KCND2: variants seen among roughly 807,000 people sequenced by gnomAD.
KCND2 encodes the protein A-type voltage-gated potassium channel KCND2.
A neutral mutation model predicts 54.4 loss-of-function variants in KCND2; 16 were observed. That is an observed-to-expected ratio of 0.29 (90% CI 0.20 to 0.45). The LOEUF (loss-of-function observed/expected upper bound fraction) is 0.45. Ranked by LOEUF, KCND2 falls within the 20% of genes least tolerant of loss-of-function variation. The pLI, the probability that KCND2 is intolerant of heterozygous loss-of-function variation, is 1.00. For synonymous variants in KCND2, 317 were observed against 310.7 expected (o/e 1.02, Z -0.21); for missense variants, 486 against 824.2 (o/e 0.59, Z 5.02).
At chr7:120,607,864 A>G (rs983470784) in intron 1 of KCND2, among the ~76,000 whole-genome samples, 2 of 152,088 alleles carry the variant, frequency 1.3e-5, no homozygotes, top group East Asian at 3.9e-4. Context: ...GAAAAACAAC[A>G]TGGACATTAA....
intron 1 of KCND2, among the ~76,000 whole-genome samples, chr7:120,431,437 G>A (rs925601721): frequency 5.3e-5 from 8 of 152,182 alleles, no homozygotes; most frequent in Non-Finnish European, 1.0e-4. Context: ...AGGTAATTCA[G>A]TTAGATGAGG....
chr7:120,316,102 G>A (rs189776592), intron 1 of KCND2, among the ~76,000 whole-genome samples: 19 of 152,192 alleles, frequency 1.2e-4, no homozygotes, highest in Middle Eastern at 3.4e-3. Context: ...TTCATGGTTC[G>A]TAATAGATCA....
intron 1 of KCND2, among the ~76,000 whole-genome samples, chr7:120,371,510 A>C (rs1180000242): frequency 6.6e-6 from 1 of 151,976 alleles, no homozygotes; most frequent in Non-Finnish European, 1.5e-5. Context: ...GAGGCCATGG[A>C]GTTGAGTGGG....
At chr7:120,712,058 G>T (rs1402883296) in intron 1 of KCND2, among the ~76,000 whole-genome samples, 1 of 151,008 alleles carries the variant, frequency 6.6e-6, no homozygotes, top group Admixed American at 6.6e-5. Context: ...GAGCTGACTT[G>T]ATCGGTCCTA....
At chr7:120,685,273 G>T (rs1253177220) in intron 1 of KCND2, among the ~76,000 whole-genome samples, 2 of 152,124 alleles carry the variant, frequency 1.3e-5, no homozygotes, top group African/African-American at 4.8e-5. Context: ...CACCCTTCCA[G>T]ATTTGGTTGT....
chr7:120,451,840 T>C (rs1298449953), intron 1 of KCND2, among the ~76,000 whole-genome samples: 1 of 152,246 alleles, frequency 6.6e-6, no homozygotes, highest in Admixed American at 6.5e-5. Context: ...CTGAAAATTC[T>C]AGAAATCTCA....
intron 1 of KCND2, among the ~76,000 whole-genome samples, chr7:120,285,828 A>G (rs1799333696): frequency 2.0e-5 from 3 of 152,076 alleles, no homozygotes; most frequent in African/African-American, 4.8e-5. Flanking sequence ...AAAAGAATGT[A>G]GTTTAGAAAA....
At chr7:120,443,551 A>G (rs143011981) in intron 1 of KCND2, among the ~76,000 whole-genome samples, 1 of 151,906 alleles carries the variant, frequency 6.6e-6, no homozygotes, top group Non-Finnish European at 1.5e-5. Flanking sequence ...CAACCCAATC[A>G]TCTTATGAAT....
At chr7:120,641,254 C>T (rs1055708749) in intron 1 of KCND2, among the ~76,000 whole-genome samples, 1 of 151,736 alleles carries the variant, frequency 6.6e-6, no homozygotes, top group African/African-American at 2.4e-5. Flanking sequence ...TTTGGCAGCC[C>T]CCAGCTAATC....
chr7:120,538,732 C>A (rs1791942328), intron 1 of KCND2, among the ~76,000 whole-genome samples: 1 of 152,102 alleles, frequency 6.6e-6, no homozygotes, highest in Non-Finnish European at 1.5e-5. Context: ...TAACCTCGGC[C>A]CTATAAAGAC....
At chr7:120,498,537 G>C (rs1288043813) in intron 1 of KCND2, among the ~76,000 whole-genome samples, 1 of 152,026 alleles carries the variant, frequency 6.6e-6, no homozygotes. Flanking sequence ...CACTTTGAGA[G>C]GCCAAGGCAG....
intron 1 of KCND2, among the ~76,000 whole-genome samples, chr7:120,508,512 T>C (rs1803062191): frequency 1.3e-5 from 2 of 152,028 alleles, no homozygotes; most frequent in African/African-American, 4.8e-5. Flanking sequence ...TATAACACAC[T>C]ACTTATTCGC....
chr7:120,585,787 A>G (rs887075081), intron 1 of KCND2, among the ~76,000 whole-genome samples: 13 of 152,320 alleles, frequency 8.5e-5, no homozygotes, highest in Admixed American at 7.8e-4. Flanking sequence ...CTGTACCAAA[A>G]GTAATATTTG....
At chr7:120,373,701 T>A (rs1291785513) in intron 1 of KCND2, among the ~76,000 whole-genome samples, 1 of 151,822 alleles carries the variant, frequency 6.6e-6, no homozygotes, top group Non-Finnish European at 1.5e-5. Flanking sequence ...CCAGTAGACA[T>A]AGACAAAATT....
intron 1 of KCND2, among the ~76,000 whole-genome samples, chr7:120,386,875 A>G (rs193278113): frequency 6.6e-6 from 1 of 152,270 alleles, no homozygotes; most frequent in East Asian, 1.9e-4. Context: ...AGGTATCAAC[A>G]TTCCAAGTAT....
intron 1 of KCND2, among the ~76,000 whole-genome samples, chr7:120,636,230 A>G (rs1295988109): frequency 6.6e-6 from 1 of 152,096 alleles, no homozygotes. Flanking sequence ...AAAAAAACTC[A>G]GTTTGTGGGG....
intron 1 of KCND2, among the ~76,000 whole-genome samples, chr7:120,633,531 A>C (rs771585907): frequency 2.0e-5 from 3 of 152,186 alleles, no homozygotes; most frequent in Non-Finnish European, 4.4e-5. Context: ...AACCATCCAA[A>C]TCATAATGAA....
chr7:120,714,554 T>A (rs940749405), intron 1 of KCND2, among the ~76,000 whole-genome samples: 11 of 152,124 alleles, frequency 7.2e-5, no homozygotes, highest in African/African-American at 2.4e-4. Context: ...ATCAGCACTA[T>A]TCAGATATCT....
At chr7:120,622,081 C>T (rs1290186680) in intron 1 of KCND2, among the ~76,000 whole-genome samples, 1 of 151,774 alleles carries the variant, frequency 6.6e-6, no homozygotes, top group Non-Finnish European at 1.5e-5. Context: ...GAAAGTCTTA[C>T]AATATACTCT....
Sources: gnomAD v4.1 joint callset for allele counts (sites outside exome capture counted in the v4.1 genomes callset) on GRCh38, gnomAD v4.1.1 for gene constraint, MANE v1.5 for transcripts, NCBI Gene and HGNC (gene_info 2026-07-23, HGNC 2026-07-21) for gene names.